Variants in POFUT3 observed in about 807,000 individuals in gnomAD.
POFUT3 encodes the protein GDP-fucose protein O-fucosyltransferase 3.
At chr8:33,328,380 A>T in the POFUT3 span, among the ~76,000 whole-genome samples, 1 of 139,208 alleles carries the variant, frequency 7.2e-6, no homozygotes, top group African/African-American at 2.7e-5. Flanking sequence ...AAAAACAAAA[A>T]CAAAAAACAA....
the POFUT3 span, among the ~76,000 whole-genome samples, chr8:33,338,109 C>T: frequency 6.6e-6 from 1 of 152,182 alleles, no homozygotes; most frequent in African/African-American, 2.4e-5. Context: ...CCCCTAAAAT[C>T]TCATTTTAAT....
the POFUT3 span, among the ~76,000 whole-genome samples, chr8:33,447,915 CTTCA>C: frequency 6.6e-6 from 1 of 152,126 alleles, no homozygotes; most frequent in Admixed American, 6.5e-5. Context: ...AGTGTGTTGT[CTTCA>C]TTCTGTTTTG....
the POFUT3 span, among the ~76,000 whole-genome samples, chr8:33,313,219 T>A: frequency 1.3e-5 from 2 of 152,134 alleles, no homozygotes; most frequent in African/African-American, 4.8e-5. Flanking sequence ...AGTACAATTT[T>A]TGAGGGACAG....
chr8:33,433,472 C>T, the POFUT3 span, among the ~76,000 whole-genome samples: 3 of 151,832 alleles, frequency 2.0e-5, no homozygotes, highest in African/African-American at 7.3e-5. Flanking sequence ...ATTAGCCAGG[C>T]GCGGTGGCAG....
the POFUT3 span, among the ~76,000 whole-genome samples, chr8:33,425,330 T>G: frequency 6.6e-6 from 1 of 151,666 alleles, no homozygotes; most frequent in African/African-American, 2.4e-5. Flanking sequence ...CAAAACCCTT[T>G]CTCTTAAAAA....
the POFUT3 span, among the ~76,000 whole-genome samples, chr8:33,439,000 C>G: frequency 1.2e-4 from 18 of 152,294 alleles, no homozygotes; most frequent in Admixed American, 5.9e-4. Context: ...CCATATCACC[C>G]ACAAAAAATA....
chr8:33,365,664 A>C, the POFUT3 span, among the ~76,000 whole-genome samples: 25 of 152,370 alleles, frequency 1.6e-4, no homozygotes, highest in Admixed American at 2.6e-4. Context: ...AATGCTCATC[A>C]TCACTGGTCA....
the POFUT3 span, among the ~76,000 whole-genome samples, chr8:33,346,842 A>G: frequency 6.6e-6 from 1 of 152,216 alleles, no homozygotes; most frequent in Non-Finnish European, 1.5e-5. Context: ...ATAAATATAG[A>G]GAACAGAGAC....
chr8:33,346,330 C>T, the POFUT3 span, among the ~76,000 whole-genome samples: 1 of 152,192 alleles, frequency 6.6e-6, no homozygotes, highest in African/African-American at 2.4e-5. Flanking sequence ...ACAAACCCTT[C>T]TCTATTAAGC....
chr8:33,467,198 G>A, the POFUT3 span, among the ~76,000 whole-genome samples: 33 of 150,042 alleles, frequency 2.2e-4, no homozygotes, highest in South Asian at 6.4e-4. Context: ...ACTTGAACCC[G>A]GGAGGTGGAG....
the POFUT3 span, among the ~76,000 whole-genome samples, chr8:33,398,658 C>G: frequency 1.3e-5 from 2 of 152,206 alleles, no homozygotes; most frequent in Admixed American, 1.3e-4. Context: ...GTACAACAAC[C>G]CCCTGTGACA....
chr8:33,367,202 A>C, the POFUT3 span, among the ~76,000 whole-genome samples: 1 of 152,244 alleles, frequency 6.6e-6, no homozygotes, highest in African/African-American at 2.4e-5. Flanking sequence ...CATGATGGCC[A>C]TAACGCCCAC....
chr8:33,371,792 G>T, the POFUT3 span: 1 of 152,206 alleles, frequency 6.6e-6, no homozygotes, highest in Non-Finnish European at 1.5e-5. Flanking sequence ...GTTCCTGGGG[G>T]TATTCACTTC....
the POFUT3 span, among the ~76,000 whole-genome samples, chr8:33,420,133 A>T: frequency 6.6e-6 from 1 of 152,190 alleles, no homozygotes; most frequent in Admixed American, 6.5e-5. Flanking sequence ...TGTCTCAAAA[A>T]ATAAATAAAT....
chr8:33,389,622 A>G, the POFUT3 span: 10 of 1,614,042 alleles, frequency 6.2e-6, no homozygotes, highest in African/African-American at 1.3e-5. Context: ...CTCTCCAAGT[A>G]TTGGGTAGTT....
chr8:33,421,627 G>A, the POFUT3 span, among the ~76,000 whole-genome samples: 1 of 152,134 alleles, frequency 6.6e-6, no homozygotes, highest in African/African-American at 2.4e-5. Flanking sequence ...TGAGAGTACT[G>A]TACATGCCTC....
At chr8:33,429,761 C>T in the POFUT3 span, among the ~76,000 whole-genome samples, 2 of 151,918 alleles carry the variant, frequency 1.3e-5, no homozygotes, top group Non-Finnish European at 2.9e-5. Context: ...TTTGGGAAGC[C>T]GAGATGGGCG....
At chr8:33,318,301 G>C in the POFUT3 span, among the ~76,000 whole-genome samples, 1 of 150,930 alleles carries the variant, frequency 6.6e-6, no homozygotes, top group East Asian at 1.9e-4. Context: ...TCAGAATCTT[G>C]GGGGTGCTTA....
At chr8:33,402,582 T>G in the POFUT3 span, among the ~76,000 whole-genome samples, 2 of 152,156 alleles carry the variant, frequency 1.3e-5, no homozygotes, top group African/African-American at 4.8e-5. Flanking sequence ...GCAAAAAACT[T>G]GGTCCAGGAT....
Sources: allele counts gnomAD v4.1 joint callset (sites outside exome capture counted in the v4.1 genomes callset), GRCh38; gene constraint gnomAD v4.1.1; transcripts MANE v1.5; gene names NCBI Gene and HGNC (gene_info 2026-07-23, HGNC 2026-07-21).